Variants in DNMT3B observed in about 807,000 individuals in gnomAD.
DNMT3B encodes the protein DNA methyltransferase 3 beta.
Under a neutral mutation model 120.2 loss-of-function variants are expected in DNMT3B, and 37 were observed. The observed-to-expected ratio is 0.31, with a 90% confidence interval of 0.24 to 0.40. The LOEUF is 0.40. DNMT3B is among the 10% of genes least tolerant of loss of function. DNMT3B has a pLI of 1.00. For synonymous variants in DNMT3B, 412 were observed against 442.8 expected, an observed-to-expected ratio of 0.93 and a Z score of 0.87; for missense variants, 878 against 1,137.3, an observed-to-expected ratio of 0.77 and a Z score of 3.28.
intron 1 of DNMT3B, among the ~76,000 whole-genome samples, chr20:32,763,622 A>G (rs1454162433): frequency 6.6e-6 from 1 of 152,142 alleles, no homozygotes; most frequent in African/African-American, 2.4e-5. Context: ...GCTCCACTTT[A>G]TCGGGGAGAA....
At chr20:32,799,371 A>G (rs1450749868) in intron 16 of DNMT3B, 43 bp downstream of exon 16, 7 of 1,593,976 alleles carry the variant, frequency 4.4e-6, no homozygotes, top group South Asian at 1.1e-5. Flanking sequence ...TCGTGTCACA[A>G]CAGGGTAGCC....
At chr20:32,774,541 A>G in intron 1 of DNMT3B, among the ~76,000 whole-genome samples, 1 of 135,268 alleles carries the variant, frequency 7.4e-6, no homozygotes, top group Admixed American at 7.9e-5. Flanking sequence ...AGATTCAAGA[A>G]GTACATGTGC....
chr20:32,784,961 G>A, intron 4 of DNMT3B, 102 bp downstream of exon 4: 1 of 1,138,750 alleles, frequency 8.8e-7, no homozygotes. Flanking sequence ...GAGCTTTTAA[G>A]AGAAAGTGAT....
At position 32,776,848 on chromosome 20, in the gene DNMT3B, G is replaced by A. The variant is rs566344869; in HGVS notation, c.-6-3470G>A. Among the ~76,000 whole-genome samples the A allele has an allele frequency of 1.9e-4, 29 of 152,270 alleles. No individual in the cohort carries two copies. The East Asian group carries it at 5.6e-3, about 29-fold the overall frequency. Reference sequence around the variant, plus strand: ...AGGTCTGAGAAAGGAAGCAGGAGGTGTAGGGAGTTGGGGAGGGCTTCCAGG... The same window carrying A: ...AGGTCTGAGAAAGGAAGCAGGAGGTATAGGGAGTTGGGGAGGGCTTCCAGG... On this transcript the variant is annotated intron_variant, in intron 1 of 22. Transcript: ENST00000328111.
Position 32,787,324 on chromosome 20 carries a change from A to T in DNMT3B, c.527A>T (p.Asp176Val). ...LTIDLTDDTE[D>V]THGTPQSSST... is the part of the protein sequence containing the mutation. ...ATCGACCTCACAGACGACACAGAGG[A>T]CACACATGGGACGCCCCAGAGCAGC... Residue 176 changes from aspartate to valine, a missense_variant, in exon 6 of 23, where the codon GAC becomes GTC. By Grantham distance (152) the Asp-to-Val change is radical. Around this residue, in one of 4 missense-constraint regions of DNMT3B, gnomAD observed 287 missense variants for 306.2 expected, o/e 0.94. Transcript: ENST00000328111. The T allele has an allele frequency of 1.2e-6, 2 of 1,614,192 alleles. No individual in the cohort carries two copies. Among genetic ancestry groups the T allele is most frequent in the South Asian group, 1.1e-5 (1 of 91,076 alleles).
At chr20:32,800,764 A>G in intron 17 of DNMT3B, 71 bp from the exon 18 acceptor site, 1 of 1,543,952 alleles carries the variant, frequency 6.5e-7, no homozygotes, top group Non-Finnish European at 9.0e-7. Context: ...CCCACGCAAG[A>G]TTCTAGAAGT....
At chr20:32,791,759 C>T in intron 8 of DNMT3B, 51 bp downstream of exon 8, 1 of 1,595,748 alleles carries the variant, frequency 6.3e-7, no homozygotes, top group Non-Finnish European at 8.6e-7. Context: ...AGGGATGAAG[C>T]AAGAGACCCA....
chr20:32,784,935 G>C lies in DNMT3B; in HGVS notation c.306+76G>C, dbSNP rs1979086152. The stretch of plus-strand genomic sequence containing the variant: ...GCATACATAGCATGCTACATACATA[G>C]CATAGCTCCTTAGGGGAGCTTTTAA... On this transcript the variant is annotated intron_variant, in intron 4 of 22. Coordinates refer to ENST00000328111, the MANE Select transcript of DNMT3B (RefSeq NM_006892.4). The C allele has an allele frequency of 8.5e-6, 12 of 1,412,234 alleles. No individual in the cohort carries two copies. In the South Asian group the frequency reaches 1.4e-4, roughly 16 times the overall value. The allele number at this position is 1,412,234 out of a possible 1,614,324, so 87.5% of individuals were successfully genotyped here. A position where few individuals can be genotyped will look rare whatever the true frequency, so the allele number is the denominator to read the frequency against.
intron 17 of DNMT3B, 112 bp downstream of exon 17, chr20:32,800,410 T>C (rs150630082): frequency 1.4e-6 from 2 of 1,478,952 alleles, no homozygotes; most frequent in African/African-American, 2.8e-5. Flanking sequence ...GAAAAAAGGA[T>C]TGAAATCCTG....
intron 6 of DNMT3B, 45 bp from the exon 7 acceptor site, chr20:32,788,809 A>G (rs1221569899): frequency 6.2e-7 from 1 of 1,613,322 alleles, no homozygotes; most frequent in Non-Finnish European, 8.5e-7. Context: ...TTGGCCCAGG[A>G]TGGCCTCTCC....
At chr20:32,765,819 G>A (rs1407216007) in intron 1 of DNMT3B, among the ~76,000 whole-genome samples, 3 of 140,444 alleles carry the variant, frequency 2.1e-5, no homozygotes, top group Non-Finnish European at 3.0e-5. Context: ...GCAGTGGCGC[G>A]ATCTCCGCTC....
At chr20:32,766,801 C>T (rs1237499009) in intron 1 of DNMT3B, among the ~76,000 whole-genome samples, 1 of 152,112 alleles carries the variant, frequency 6.6e-6, no homozygotes, top group Non-Finnish European at 1.5e-5. Flanking sequence ...CCAAGCTAGT[C>T]TCCTGGGCTC....
At chr20:32,779,768 G>A (rs1377498466) in intron 1 of DNMT3B, 5 of 437,678 alleles carry the variant, frequency 1.1e-5, no homozygotes, top group Non-Finnish European at 1.3e-5. Context: ...GGGGTGAGGC[G>A]GGGCTTGTGC....
intron 19 of DNMT3B, among the ~76,000 whole-genome samples, chr20:32,801,904 A>G (rs1372719299): frequency 6.6e-6 from 1 of 152,198 alleles, no homozygotes; most frequent in Non-Finnish European, 1.5e-5. Flanking sequence ...AAAATAATTG[A>G]TCTCTAATCT....
In DNMT3B at chr20:32,769,204, C is replaced by A. The variant is rs528854704; in HGVS notation, c.-7+6505C>A. The stretch of plus-strand genomic sequence containing the variant: ...GGTTCACGCCATTCTCCTGCCTCAG[C>A]CTCCCTAGTAGTAGCTGGGACTACA... On this transcript the variant is annotated intron_variant, in intron 1 of 22. Transcript: ENST00000328111. 1.6e-3 allele frequency among the ~76,000 whole-genome samples: 244 copies of A among 152,268 alleles called. 1 individual carries two copies. The highest frequency in any genetic ancestry group is 5.8e-3 in the African/African-American group (241 of 41,574).
chr20:32,795,778 C>T (rs1419256289), intron 12 of DNMT3B, 84 bp downstream of exon 12: 1 of 1,557,966 alleles, frequency 6.4e-7, no homozygotes, highest in Non-Finnish European at 8.8e-7. Context: ...TCCACCCTGT[C>T]AGGGTTTAAC....
At position 32,780,433 on chromosome 20, in the gene DNMT3B, T is replaced by C; in HGVS notation, c.110T>C (p.Ile37Thr). The C allele has an allele frequency of 1.2e-6, 2 of 1,613,552 alleles. No individual in the cohort carries two copies. Among genetic ancestry groups the C allele is most frequent in the Non-Finnish European group, 1.7e-6 (2 of 1,179,960 alleles). The change falls in exon 2 of 23, where the codon ATC becomes ACC. Residue 37 changes from isoleucine (I) to threonine (T), a missense_variant. Coordinates refer to ENST00000328111, the MANE Select transcript of DNMT3B (RefSeq NM_006892.4). ...GACCAGTCCTCCGACTCGCCCCCAA[T>C]CCTGGAGGCTATCCGCACCCCGGAG... is the stretch of plus-strand genomic sequence containing the variant. ...CSDQSSDSPP[I>T]LEAIRTPEIR...
intron 7 of DNMT3B, among the ~76,000 whole-genome samples, chr20:32,790,777 CCTT>C (rs1979885978): frequency 6.6e-6 from 1 of 152,150 alleles, no homozygotes; most frequent in South Asian, 2.1e-4. Flanking sequence ...CTCAAGCAAT[CCTT>C]CTGCCTTAAC....
chr20:32,776,195 C>CTCCA (rs1293752610), intron 1 of DNMT3B, among the ~76,000 whole-genome samples: 1 of 150,978 alleles, frequency 6.6e-6, no homozygotes, highest in African/African-American at 2.4e-5. Context: ...CGCCACTGCA[C>CTCCA]TCCAGCCCAG....
Sources: gnomAD v4.1 joint callset for allele counts (sites outside exome capture counted in the v4.1 genomes callset) on GRCh38, gnomAD v4.1.1 for gene constraint, gnomAD v4.1.1 regional missense constraint, MANE v1.5 for transcripts, NCBI Gene and HGNC (gene_info 2026-07-23, HGNC 2026-07-21) for gene names.